DMXL1: variants seen among roughly 807,000 people sequenced by gnomAD.
The protein encoded by DMXL1 is dmX-like protein 1.
DMXL1 carries 99 observed loss-of-function variants against 319.2 expected under a neutral mutation model. The observed-to-expected ratio is 0.31, with a 90% CI of 0.26 to 0.37. The LOEUF is 0.37. DMXL1 is among the 10% of genes least tolerant of loss of function. The probability of loss-of-function intolerance (pLI) is 1.00; values close to 1 mark genes in which losing one functional copy is unlikely to be tolerated. For synonymous variants in DMXL1, 1,385 were observed against 1,235.2 expected (o/e 1.12, Z -2.54); for missense variants, 3,745 against 3,595.6 (o/e 1.04, Z -1.06).
intron 34 of DMXL1, among the ~76,000 whole-genome samples, chr5:119,213,628 A>G (rs1783179335): frequency 6.6e-6 from 1 of 152,214 alleles, no homozygotes; most frequent in African/African-American, 2.4e-5. Context: ...ACCATAAACA[A>G]ACCACCCAGC....
At chr5:119,088,576 C>G (rs746682378) in intron 1 of DMXL1, among the ~76,000 whole-genome samples, 1 of 152,130 alleles carries the variant, frequency 6.6e-6, no homozygotes, top group Non-Finnish European at 1.5e-5. Flanking sequence ...TCCTTTCTTA[C>G]TGTTATCCTT....
chr5:119,141,645 A>G (rs913961600), intron 13 of DMXL1, among the ~76,000 whole-genome samples: 2 of 152,174 alleles, frequency 1.3e-5, no homozygotes, highest in Non-Finnish European at 2.9e-5. Context: ...TGATGGATAG[A>G]AAGAATCAAT....
At chr5:119,130,634 T>C (rs949533483) in intron 10 of DMXL1, among the ~76,000 whole-genome samples, 2 of 152,228 alleles carry the variant, frequency 1.3e-5, no homozygotes, top group African/African-American at 2.4e-5. Flanking sequence ...TGAGACACCA[T>C]GCTCGGCCTG....
chr5:119,182,004 C>T lies in DMXL1; in HGVS notation c.7135+3760C>T, dbSNP rs1044731202. Among the ~76,000 whole-genome samples the T allele has an allele frequency of 7.2e-5, 11 of 152,268 alleles. No individual in the cohort carries two copies. The East Asian group carries it at 2.1e-3, about 29-fold the overall frequency. On this transcript the variant is annotated intron_variant, in intron 28 of 43. Coordinates refer to ENST00000539542, the MANE Select transcript of DMXL1 (RefSeq NM_001290321.3). ...AATATAAAGTAACGTTCAGAAATCT[C>T]AGTTTTTTTAAGGCATTATTATGTT...
In DMXL1 at chr5:119,134,058, C is replaced by A. The variant is rs1400686411; in HGVS notation, c.2134C>A (p.Pro712Thr). ...TGAGCTTATTCTGTGGAGGGTTGAC[C>A]CAGTTGGGCCATTGTCTTTTTCTGG... ...YSELILWRVD[P>T]VGPLSFSGGV... Residue 712 changes from proline (P) to threonine (T), a missense_variant, in exon 12 of 44, where the codon CCA (proline) becomes ACA (threonine). By Grantham distance (38) the Pro-to-Thr change is conservative. Around this residue, in one of 4 missense-constraint regions of DMXL1, gnomAD observed 2,096 missense variants for 1,985.4 expected, o/e 1.06. Transcript: ENST00000539542. 6.2e-7 allele frequency: 1 copy of A among 1,614,002 alleles called. No individual in the cohort carries two copies. Among genetic ancestry groups the A allele is most frequent in the African/African-American group, 1.3e-5 (1 of 74,906 alleles).
chr5:119,190,924 A>C (rs1325173821), intron 29 of DMXL1, among the ~76,000 whole-genome samples: 1 of 152,222 alleles, frequency 6.6e-6, no homozygotes, highest in South Asian at 2.1e-4. Flanking sequence ...GCACAGAAGA[A>C]ATGCTTGCTT....
rs752622065 is a variant in DMXL1 at position 119,150,119 on chromosome 5, C to A, written c.4292C>A (p.Thr1431Lys). ...SSLEKSSNES[T>K]LSKSNQLSKE... ...TTGGAGAAATCTAGTAATGAGAGTA[C>A]GTTAAGTAAATCAAACCAATTATCT... The change falls in exon 18 of 44, where the codon ACG becomes AAG. Residue 1431 changes from threonine (T) to lysine (K), a missense_variant. Around this residue, in one of 4 missense-constraint regions of DMXL1, gnomAD observed 2,096 missense variants for 1,985.4 expected, o/e 1.06. Coordinates refer to ENST00000539542, the MANE Select transcript of DMXL1 (RefSeq NM_001290321.3). 3.1e-6 allele frequency: 5 copies of A among 1,613,354 alleles called. No individual in the cohort carries two copies. The Admixed American group carries it at 8.3e-5, about 27-fold the overall frequency.
At chr5:119,101,446 T>C (rs980275488) in intron 2 of DMXL1, among the ~76,000 whole-genome samples, 2 of 152,206 alleles carry the variant, frequency 1.3e-5, no homozygotes, top group Non-Finnish European at 2.9e-5. Flanking sequence ...TTATGATCCA[T>C]CAATTTAAAG....
At chr5:119,246,872 G>A in intron 43 of DMXL1, 123 bp from the exon 44 acceptor site, 1 of 629,156 alleles carries the variant, frequency 1.6e-6, no homozygotes, top group Non-Finnish European at 2.7e-6. Context: ...ACCTTAGGTG[G>A]TCTGCCTGCC....
chr5:119,112,166 T>A (rs1482333839), intron 5 of DMXL1, among the ~76,000 whole-genome samples: 2 of 152,144 alleles, frequency 1.3e-5, no homozygotes, highest in African/African-American at 2.4e-5. Context: ...TTTCACCATG[T>A]TAGCCATGAT....
chr5:119,186,143 C>A (rs995343446), intron 28 of DMXL1, among the ~76,000 whole-genome samples: 2 of 152,176 alleles, frequency 1.3e-5, no homozygotes, highest in Non-Finnish European at 2.9e-5. Flanking sequence ...TTAGAAGGTC[C>A]AGACTAATGT....
intron 34 of DMXL1, among the ~76,000 whole-genome samples, chr5:119,211,698 T>C (rs759144217): frequency 4.6e-5 from 7 of 152,362 alleles, no homozygotes; most frequent in African/African-American, 1.7e-4. Context: ...TCTTTAGATA[T>C]CATTTTACTT....
At chr5:119,215,863 AGGT>A (rs1373622442) in intron 34 of DMXL1, among the ~76,000 whole-genome samples, 1 of 152,112 alleles carries the variant, frequency 6.6e-6, no homozygotes, top group African/African-American at 2.4e-5. Flanking sequence ...TGGGAGGCCA[AGGT>A]GGCCAAATCA....
chr5:119,240,371 T>G, intron 41 of DMXL1, 48 bp from the exon 42 acceptor site: 5 of 1,342,758 alleles, frequency 3.7e-6, no homozygotes, highest in Non-Finnish European at 4.2e-6. Flanking sequence ...ATATTTTTTA[T>G]TGTTAGCTTT....
rs138058949 is a variant in DMXL1, at chr5:119,167,648, G to A, written c.5182G>A (p.Ala1728Thr). 52 of 1,609,256 alleles carry A rather than the reference G, an allele frequency of 3.2e-5. No individual in the cohort carries two copies. In the African/African-American group the frequency reaches 5.2e-4, roughly 16 times the overall value. ...LNDIQLALVIARLYESEFDTS... is the reference protein window; with the variant it reads ...LNDIQLALVITRLYESEFDTS... ...TGACATTCAGTTGGCTCTTGTAATAGCAAGACTCTATGAGTCTGAATTTGA... is the reference window on the plus strand; with the variant it reads ...TGACATTCAGTTGGCTCTTGTAATAACAAGACTCTATGAGTCTGAATTTGA... Residue 1728 changes from alanine to threonine, a missense_variant, in exon 23 of 44, where the codon GCA becomes ACA. Ala to Thr is a moderately conservative substitution (Grantham distance 58). Around this residue, in one of 4 missense-constraint regions of DMXL1, gnomAD observed 1,382 missense variants for 1,269.5 expected, o/e 1.09. Coordinates refer to ENST00000539542, the MANE Select transcript of DMXL1 (RefSeq NM_001290321.3).
chr5:119,217,261 G>A (rs1783854167), intron 35 of DMXL1, among the ~76,000 whole-genome samples: 1 of 152,116 alleles, frequency 6.6e-6, no homozygotes, highest in African/African-American at 2.4e-5. Flanking sequence ...TTTATACAAT[G>A]TACTATAGTA....
chr5:119,119,378 C>A (rs1398624996), intron 8 of DMXL1, among the ~76,000 whole-genome samples: 2 of 152,028 alleles, frequency 1.3e-5, no homozygotes, highest in Non-Finnish European at 2.9e-5. Flanking sequence ...TTTAGAAAAC[C>A]CACCCCACCC....
At chr5:119,143,752 T>C in intron 13 of DMXL1, 89 bp from the exon 14 acceptor site, 2 of 820,140 alleles carry the variant, frequency 2.4e-6, no homozygotes, top group Non-Finnish European at 3.8e-6. Flanking sequence ...ATTTTATTGT[T>C]ATTTATCTGT....
chr5:119,086,925 C>G (rs991348659), intron 1 of DMXL1, among the ~76,000 whole-genome samples: 1 of 151,976 alleles, frequency 6.6e-6, no homozygotes, highest in African/African-American at 2.4e-5. Context: ...ATGGTTCAAT[C>G]TTGGTAGGTT....
Sources: gnomAD v4.1 joint callset for allele counts (sites outside exome capture counted in the v4.1 genomes callset) on GRCh38, gnomAD v4.1.1 for gene constraint, gnomAD v4.1.1 regional missense constraint, MANE v1.5 for transcripts, NCBI Gene and HGNC (gene_info 2026-07-23, HGNC 2026-07-21) for gene names.